Variants in TSGA10 observed in about 807,000 individuals in gnomAD.
TSGA10 encodes the protein testis specific 10.
Under a neutral mutation model 96.6 loss-of-function variants are expected in TSGA10, and 43 were observed. That is an observed-to-expected ratio of 0.44 (90% CI 0.35 to 0.57). The LOEUF (loss-of-function observed/expected upper bound fraction) is 0.57, where lower values mean the gene tolerates loss of function less well. TSGA10 is among the 20% of genes least tolerant of loss of function. TSGA10 has a pLI of 0.01. For missense variants in TSGA10, 703 were observed against 834.4 expected (o/e 0.84, Z 1.94); for synonymous variants, 229 against 269.9 (o/e 0.85, Z 1.48).
chr2:99,002,067 A>G (rs938105498), intron 20 of TSGA10, among the ~76,000 whole-genome samples: 3 of 152,228 alleles, frequency 2.0e-5, no homozygotes, highest in Non-Finnish European at 4.4e-5. Flanking sequence ...ACTCTGCGGG[A>G]TATTATCCAG....
intron 1 of TSGA10, among the ~76,000 whole-genome samples, chr2:99,133,780 T>C (rs1057389814): frequency 1.3e-5 from 2 of 152,224 alleles, no homozygotes; most frequent in Non-Finnish European, 2.9e-5. Context: ...CCAGGTCTGG[T>C]GGTGACAAAA....
intron 16 of TSGA10, among the ~76,000 whole-genome samples, chr2:99,038,267 G>T (rs1336541620): frequency 2.0e-5 from 3 of 151,916 alleles, no homozygotes; most frequent in Non-Finnish European, 2.9e-5. Flanking sequence ...AAGTATTCAG[G>T]CAACAAGTAG....
intron 1 of TSGA10, among the ~76,000 whole-genome samples, chr2:99,129,738 T>A (rs946299236): frequency 1.3e-5 from 2 of 152,140 alleles, no homozygotes; most frequent in Non-Finnish European, 2.9e-5. Flanking sequence ...GAAACAATGT[T>A]CCTTCTTAAA....
intron 16 of TSGA10, among the ~76,000 whole-genome samples, chr2:99,052,199 A>G (rs1007147434): frequency 6.6e-6 from 1 of 151,970 alleles, no homozygotes; most frequent in African/African-American, 2.4e-5. Flanking sequence ...CTAAGAGTTG[A>G]TTTCTGAAAA....
intron 1 of TSGA10, among the ~76,000 whole-genome samples, chr2:99,128,750 C>A (rs542349651): frequency 2.0e-5 from 3 of 152,300 alleles, no homozygotes; most frequent in African/African-American, 7.2e-5. Context: ...CTCCAAGAAT[C>A]CCTCTATGAA....
intron 16 of TSGA10, among the ~76,000 whole-genome samples, chr2:99,039,728 C>G (rs942326103): frequency 2.0e-5 from 3 of 152,090 alleles, no homozygotes; most frequent in Admixed American, 2.0e-4. Context: ...TGAAATTATT[C>G]CACAAGGCAG....
chr2:99,146,537 G>T (rs1308443578), intron 1 of TSGA10, among the ~76,000 whole-genome samples: 2 of 152,088 alleles, frequency 1.3e-5, no homozygotes, highest in African/African-American at 4.8e-5. Context: ...TCTTGTTCAA[G>T]AAATCTTTCT....
intron 10 of TSGA10, 66 bp downstream of exon 10, chr2:99,103,901 T>C: frequency 6.5e-7 from 1 of 1,531,638 alleles, no homozygotes; most frequent in Non-Finnish European, 8.9e-7. Flanking sequence ...CATTATAAAA[T>C]ACACTATAAA....
In TSGA10 at chr2:99,073,148, A is replaced by G. The variant is rs181917382; in HGVS notation, c.883-75T>C. 18 of 1,004,784 alleles carry G rather than the reference A, an allele frequency of 1.8e-5. No individual in the cohort carries two copies. In the East Asian group the frequency reaches 4.2e-4, roughly 24 times the overall value. The allele number at this position is 1,004,784 out of a possible 1,614,324, so 62.2% of individuals were successfully genotyped here. Reference sequence around the variant, plus strand: ...CTGTTAAAATTGAATGAACAAAAAGAAAATTTCCCTTTCCCTTTAGGTTTC... The same window carrying G: ...CTGTTAAAATTGAATGAACAAAAAGGAAATTTCCCTTTCCCTTTAGGTTTC... On this transcript the variant is annotated intron_variant, in intron 12 of 20. Coordinates refer to ENST00000393483, the MANE Select transcript of TSGA10 (RefSeq NM_025244.4).
chr2:99,154,951 G>A (rs1434965635), upstream of TSGA10: 2 of 454,908 alleles, frequency 4.4e-6, no homozygotes. Context: ...TCAGGGGGCG[G>A]GGCAGCATCG....
intron 10 of TSGA10, chr2:99,102,384 G>C: frequency 6.2e-7 from 1 of 1,613,764 alleles, no homozygotes; most frequent in Non-Finnish European, 8.5e-7. Context: ...GTTTACTGGA[G>C]TTGGAATTAG....
intron 13 of TSGA10, among the ~76,000 whole-genome samples, chr2:99,072,723 C>T (rs2086123435): frequency 6.6e-6 from 1 of 152,196 alleles, no homozygotes; most frequent in South Asian, 2.1e-4. Flanking sequence ...CTTCACTTCT[C>T]CCCTTACACT....
rs2079733504 is a variant in TSGA10, at chr2:99,018,533, T to C, written c.1922+3A>G. ...TTTTGAGCTTGCATAGAGATAAACTTACCTTTCAAAGCGCTCTGTTCCTAG... is the reference window on the plus strand; with the variant it reads ...TTTTGAGCTTGCATAGAGATAAACTCACCTTTCAAAGCGCTCTGTTCCTAG... On this transcript the variant is annotated splice_donor_region_variant and intron_variant, in intron 19 of 20. Coordinates refer to ENST00000393483, the MANE Select transcript of TSGA10 (RefSeq NM_025244.4). 2.5e-6 allele frequency: 4 copies of C among 1,612,324 alleles called. No individual in the cohort carries two copies. The highest frequency in any genetic ancestry group is 1.3e-5 in the African/African-American group (1 of 74,968).
chr2:99,007,931 GA>G (rs994388011), intron 20 of TSGA10, among the ~76,000 whole-genome samples: 1 of 152,138 alleles, frequency 6.6e-6, no homozygotes, highest in African/African-American at 2.4e-5. Flanking sequence ...AATAGAAATA[GA>G]AAGTCCAAAA....
intron 1 of TSGA10, among the ~76,000 whole-genome samples, chr2:99,137,418 G>A (rs1285819759): frequency 6.6e-6 from 1 of 152,170 alleles, no homozygotes; most frequent in African/African-American, 2.4e-5. Context: ...GCTATTGGGC[G>A]AACAAAGAAG....
At chr2:99,107,726 A>G (rs564223481) in intron 7 of TSGA10, among the ~76,000 whole-genome samples, 6 of 152,348 alleles carry the variant, frequency 3.9e-5, no homozygotes, top group African/African-American at 1.4e-4. Context: ...TAATACAGCC[A>G]AAGTTATTCA....
At chr2:99,054,877 A>G (rs1046246293) in intron 16 of TSGA10, among the ~76,000 whole-genome samples, 10 of 152,336 alleles carry the variant, frequency 6.6e-5, no homozygotes, top group African/African-American at 2.4e-4. Flanking sequence ...GGATATGGAG[A>G]AAAGGAACCC....
intron 1 of TSGA10, among the ~76,000 whole-genome samples, chr2:99,142,931 A>C (rs2105118175): frequency 6.6e-6 from 1 of 152,268 alleles, no homozygotes; most frequent in South Asian, 2.1e-4. Context: ...GCACTTATGT[A>C]TGCCACCTAG....
intron 1 of TSGA10, among the ~76,000 whole-genome samples, chr2:99,137,001 C>CTTTT (rs11430590): frequency 3.1e-5 from 4 of 129,278 alleles, no homozygotes; most frequent in Non-Finnish European, 4.8e-5. Flanking sequence ...AACAGACTTC[C>CTTTT]TTTTTTTTTT....
Sources: gnomAD v4.1 joint callset for allele counts (sites outside exome capture counted in the v4.1 genomes callset) on GRCh38, gnomAD v4.1.1 for gene constraint, MANE v1.5 for transcripts, NCBI Gene and HGNC (gene_info 2026-07-23, HGNC 2026-07-21) for gene names.